The following SF3B3 variants were observed in gnomAD, a reference collection of about 807,000 sequenced individuals.
The protein encoded by SF3B3 is splicing factor 3b subunit 3.
A neutral mutation model predicts 139.2 loss-of-function variants in SF3B3; 33 were observed. The ratio of observed to expected loss-of-function variants is 0.24; its 90% confidence interval spans 0.18 to 0.32. SF3B3 has a LOEUF of 0.32. Among genes scored for constraint, SF3B3 ranks in the 10% least tolerant of loss-of-function variants. The pLI is 1.00. For missense variants in SF3B3, 818 were observed against 1,509.4 expected (o/e 0.54, Z 7.59); for synonymous variants, 596 against 563.6 (o/e 1.06, Z -0.81).
chr16:70,562,490 G>A (rs1174458789), intron 17 of SF3B3, among the ~76,000 whole-genome samples: 11 of 151,946 alleles, frequency 7.2e-5, no homozygotes, highest in Admixed American at 7.2e-4. Flanking sequence ...TTTTCTTTCC[G>A]TCATCTTTGT....
At chr16:70,537,271 CATTAA>C (rs1204545857) in intron 6 of SF3B3, among the ~76,000 whole-genome samples, 1 of 152,212 alleles carries the variant, frequency 6.6e-6, no homozygotes, top group Non-Finnish European at 1.5e-5. Context: ...CTGATTGAGA[CATTAA>C]ATTGGTCACT....
At chr16:70,543,031 C>CT (rs1371466563) in intron 9 of SF3B3, among the ~76,000 whole-genome samples, 1 of 152,040 alleles carries the variant, frequency 6.6e-6, no homozygotes, top group African/African-American at 2.4e-5. Context: ...CCAAGTGTGA[C>CT]TAATTTCTAA....
chr16:70,551,684 C>T (rs2050327508), intron 11 of SF3B3, among the ~76,000 whole-genome samples: 1 of 152,014 alleles, frequency 6.6e-6, no homozygotes, highest in East Asian at 1.9e-4. Context: ...CCTGGGCAAC[C>T]AGAGCGAAAC....
intron 22 of SF3B3, 148 bp downstream of exon 22, chr16:70,568,643 G>A: frequency 3.1e-6 from 2 of 653,030 alleles, no homozygotes; most frequent in Non-Finnish European, 5.3e-6. Context: ...CAAGCAATCT[G>A]TTCTTTAAGC....
At chr16:70,536,792 G>T (rs1268723226) in intron 6 of SF3B3, among the ~76,000 whole-genome samples, 1 of 150,324 alleles carries the variant, frequency 6.7e-6, no homozygotes, top group African/African-American at 2.4e-5. Flanking sequence ...CTGCCAGTCT[G>T]GGCTAATTTT....
At chr16:70,539,556 A>AC (rs2050199774) in intron 8 of SF3B3, among the ~76,000 whole-genome samples, 1 of 151,722 alleles carries the variant, frequency 6.6e-6, no homozygotes, top group Admixed American at 6.6e-5. Flanking sequence ...CTCAAAAAAA[A>AC]AATAGTTGGC....
chr16:70,548,650 T>C (rs765280906), intron 11 of SF3B3: 1 of 548,004 alleles, frequency 1.8e-6, no homozygotes, highest in Non-Finnish European at 3.3e-6. Context: ...AGGGGGAACA[T>C]AGGTTGGCTG....
chr16:70,567,293 T>C (rs1375638897), intron 20 of SF3B3, 118 bp from the exon 21 acceptor site: 1 of 1,110,492 alleles, frequency 9.0e-7, no homozygotes, highest in Non-Finnish European at 1.3e-6. Context: ...CAAAATAAGC[T>C]CACTGGTGTG....
intron 20 of SF3B3, among the ~76,000 whole-genome samples, chr16:70,565,903 G>C (rs1282186504): frequency 1.3e-5 from 2 of 152,064 alleles, no homozygotes; most frequent in Admixed American, 1.3e-4. Context: ...GATCACCTGA[G>C]GTCAGGAGTT....
chr16:70,524,245 T>C (rs146265156), intron 1 of SF3B3, among the ~76,000 whole-genome samples: 276 of 152,060 alleles, frequency 1.8e-3, no homozygotes, highest in Admixed American at 3.6e-3. Context: ...GTAGAGTAAA[T>C]GGTACACCGA....
intron 9 of SF3B3, among the ~76,000 whole-genome samples, 189 bp downstream of exon 9, chr16:70,542,023 T>C (rs1390516476): frequency 1.3e-5 from 2 of 152,192 alleles, no homozygotes; most frequent in Non-Finnish European, 2.9e-5. Flanking sequence ...AACTCACGTT[T>C]AATGTAAAAA....
Position 70,532,635 on chromosome 16 carries a change from G to C in SF3B3, c.712+15G>C. The C allele has an allele frequency of 6.2e-7, 1 of 1,613,668 alleles. No homozygotes were observed. Among genetic ancestry groups the C allele is most frequent in the Non-Finnish European group, 8.5e-7 (1 of 1,179,656 alleles). ...CCTTATTACAGGTACTTTTCTTTCA[G>C]AGCTGCTTTGTACCCTTTTACTTGG... On this transcript the variant is annotated intron_variant, in intron 5 of 25. Coordinates refer to ENST00000302516, the MANE Select transcript of SF3B3 (RefSeq NM_012426.5).
intron 17 of SF3B3, among the ~76,000 whole-genome samples, chr16:70,563,463 A>C (rs537330939): frequency 6.6e-6 from 1 of 152,286 alleles, no homozygotes; most frequent in Non-Finnish European, 1.5e-5. Context: ...AGTTTTCCTG[A>C]ACTGAGGTGA....
rs774500868 is a variant in SF3B3, at chr16:70,560,635, A to G, written c.2133+44A>G. The G allele has an allele frequency of 4.3e-5, 69 of 1,603,374 alleles. No individual in the cohort carries two copies. In the Admixed American group the frequency reaches 4.7e-4, roughly 11 times the overall value. ...GGACAGGCAACATCTTTGGGATTTT[A>G]GTGGCACCATCTGAGAACAATCTTT... is the stretch of plus-strand genomic sequence containing the variant. On this transcript the variant is annotated intron_variant, in intron 16 of 25. Transcript: ENST00000302516.
In SF3B3 at chr16:70,523,868, G is replaced by C. The variant is rs2050017379; in HGVS notation, c.-131G>C. On this transcript the variant is annotated 5_prime_UTR_variant, in exon 1 of 26. Transcript: ENST00000302516. The stretch of plus-strand genomic sequence containing the variant: ...CGCCAGTATGTTGGAGTTGGTGGTG[G>C]CTTAAGTTTTGAAGGGAGGTAGCAT... The C allele has an allele frequency of 2.0e-6, 1 of 494,134 alleles. No individual in the cohort carries two copies. The highest frequency in any genetic ancestry group is 2.0e-5 in the African/African-American group (1 of 50,044). The allele number at this position is 494,134 out of a possible 1,614,324, so 30.6% of individuals were successfully genotyped here. A position where few individuals can be genotyped will look rare whatever the true frequency, so the allele number is the denominator to read the frequency against.
At position 70,568,506 on chromosome 16, in the gene SF3B3, G is replaced by A; in HGVS notation, c.3165+11G>A. 1 of 1,606,140 alleles carries A rather than the reference G, an allele frequency of 6.2e-7. No homozygotes were observed. The highest frequency in any genetic ancestry group is 8.5e-7 in the Non-Finnish European group (1 of 1,173,748). On this transcript the variant is annotated intron_variant, in intron 22 of 25. Coordinates refer to ENST00000302516, the MANE Select transcript of SF3B3 (RefSeq NM_012426.5). ...GGCAACATATGTGTGGTGAGTTGAT[G>A]TTGTTAACTTGGGTTACAGTGATGT... is the stretch of plus-strand genomic sequence containing the variant.
intron 9 of SF3B3, among the ~76,000 whole-genome samples, chr16:70,543,014 C>T (rs527687337): frequency 6.6e-5 from 10 of 152,214 alleles, no homozygotes; most frequent in Non-Finnish European, 1.3e-4. Flanking sequence ...TGAGCCACCA[C>T]GCCCGGCCAA....
intron 1 of SF3B3, 97 bp from the exon 2 acceptor site, chr16:70,526,490 T>A: frequency 1.7e-6 from 1 of 594,834 alleles, no homozygotes; most frequent in Non-Finnish European, 3.0e-6. Context: ...TAGGGCTTGC[T>A]CTGCTGGTTC....
chr16:70,572,344 G>T lies in SF3B3; in HGVS notation c.*531G>T. ...TCTGGAGATGAGGATGTAGGTGGGA[G>T]GTTTGAACCCAAGTTAGAGCAGGAA... On this transcript the variant is annotated 3_prime_UTR_variant, in exon 26 of 26. Coordinates refer to ENST00000302516, the MANE Select transcript of SF3B3 (RefSeq NM_012426.5). The T allele has an allele frequency of 4.0e-6, 1 of 247,084 alleles. No homozygotes were observed. The highest frequency in any genetic ancestry group is 8.1e-6 in the Non-Finnish European group (1 of 123,190). 15.3% of individuals were successfully genotyped at this position (247,084 alleles called of 1,614,324 possible). A position where few individuals can be genotyped will look rare whatever the true frequency, so the allele number is the denominator to read the frequency against.
Sources: allele counts gnomAD v4.1 joint callset (sites outside exome capture counted in the v4.1 genomes callset), GRCh38; gene constraint gnomAD v4.1.1; transcripts MANE v1.5; gene names NCBI Gene and HGNC (gene_info 2026-07-23, HGNC 2026-07-21).